PKN2: variants seen among roughly 807,000 people sequenced by gnomAD.
PKN2 encodes serine/threonine-protein kinase N2.
Under a neutral mutation model 119.1 loss-of-function variants are expected in PKN2, and 38 were observed. The ratio of observed to expected loss-of-function variants is 0.32; its 90% CI spans 0.25 to 0.42. The LOEUF is 0.42. PKN2 is among the 10% of genes least tolerant of loss of function. PKN2 has a pLI of 1.00. For synonymous variants in PKN2, 390 were observed against 384.9 expected (o/e 1.01, Z -0.15); for missense variants, 850 against 1,165.1 (o/e 0.73, Z 3.94).
At chr1:88,794,255 T>C (rs1670968385) in intron 8 of PKN2, among the ~76,000 whole-genome samples, 1 of 151,580 alleles carries the variant, frequency 6.6e-6, no homozygotes, top group African/African-American at 2.4e-5. Context: ...TAGTCCCAGC[T>C]ACTTGGGAGG....
chr1:88,771,409 T>TAATTTTTTAA lies in PKN2; in HGVS notation c.623-12_623-11insAATTTTTTAA. ...ATAAATGGTGCAATTAAAATTTTTT[T>TAATTTTTTAA]TTCCTTTCTAGCAAAACCTGTGATA... On this transcript the variant is annotated splice_polypyrimidine_tract_variant and intron_variant, in intron 4 of 21. Coordinates refer to ENST00000370521, the MANE Select transcript of PKN2 (RefSeq NM_006256.4). The TAATTTTTTAA allele has an allele frequency of 6.4e-7, 1 of 1,570,444 alleles. No individual in the cohort carries two copies. Among genetic ancestry groups the TAATTTTTTAA allele is most frequent in the African/African-American group, 1.4e-5 (1 of 72,736 alleles).
chr1:88,800,534 A>G (rs1671261558), intron 8 of PKN2, among the ~76,000 whole-genome samples: 1 of 152,136 alleles, frequency 6.6e-6, no homozygotes, highest in African/African-American at 2.4e-5. Flanking sequence ...AGGAATATGG[A>G]ATATTCTAAT....
chr1:88,741,200 A>G lies in PKN2; in HGVS notation c.261A>G (p.Lys87=), dbSNP rs1457726416. ...KSLAYVDNIL[K]KSNKKLEELH... is the part of the protein sequence containing the mutation. ...TGGCTTATGTAGACAACATTTTGAA[A>G]AAATCAAATAAAAAATTAGAAGAAC... The change falls in exon 2 of 22, where the codon AAA becomes AAG. Residue 87 remains lysine (K), a synonymous_variant. Transcript: ENST00000370521. 6 of 1,602,340 alleles carry G rather than the reference A, an allele frequency of 3.7e-6. No individual in the cohort carries two copies. The highest frequency in any genetic ancestry group is 5.1e-6 in the Non-Finnish European group (6 of 1,176,504).
At chr1:88,701,562 AT>A (rs1393779783) in intron 1 of PKN2, among the ~76,000 whole-genome samples, 1 of 152,182 alleles carries the variant, frequency 6.6e-6, no homozygotes, top group Non-Finnish European at 1.5e-5. Flanking sequence ...TTCTGACTTT[AT>A]TTTGTCTAGC....
At chr1:88,787,439 A>G (rs1670626864) in intron 8 of PKN2, among the ~76,000 whole-genome samples, 1 of 152,192 alleles carries the variant, frequency 6.6e-6, no homozygotes, top group South Asian at 2.1e-4. Context: ...GTAGTTGAGG[A>G]AACCAAGATC....
intron 3 of PKN2, among the ~76,000 whole-genome samples, chr1:88,765,282 CAAA>C (rs60307008): frequency 1.6e-5 from 2 of 128,284 alleles, no homozygotes. Flanking sequence ...GACTTCATCT[CAAA>C]AAAAAAAAAA....
At chr1:88,715,842 A>G (rs1667427126) in intron 1 of PKN2, among the ~76,000 whole-genome samples, 1 of 151,884 alleles carries the variant, frequency 6.6e-6, no homozygotes, top group Admixed American at 6.6e-5. Context: ...CTAGCTTTTG[A>G]ATGTGTTTGC....
chr1:88,787,763 T>C (rs1226766771), intron 8 of PKN2, among the ~76,000 whole-genome samples: 1 of 152,214 alleles, frequency 6.6e-6, no homozygotes, highest in Non-Finnish European at 1.5e-5. Context: ...GGAATAATGC[T>C]CCTTTTAAAA....
intron 1 of PKN2, among the ~76,000 whole-genome samples, chr1:88,719,111 G>GT (rs1210912835): frequency 3.9e-5 from 6 of 152,138 alleles, no homozygotes; most frequent in Admixed American, 1.3e-4. Context: ...ACGAAGACCA[G>GT]TATGAGGACA....
Position 88,760,279 on chromosome 1 carries a change from A to G in PKN2, c.407A>G (p.Asn136Ser), listed in dbSNP as rs976482831. Residue 136 changes from asparagine to serine, a missense_variant, in exon 3 of 22, where the codon AAT becomes AGT. Asn to Ser is a conservative substitution (Grantham distance 46). Transcript: ENST00000370521. Reference sequence around the variant, plus strand: ...GACCCTCGTTGTTCTACTAGCAACAATAGATTGAAGGCCTTACAAAAACAA... The same window carrying G: ...GACCCTCGTTGTTCTACTAGCAACAGTAGATTGAAGGCCTTACAAAAACAA... ...NNDPRCSTSNNRLKALQKQLD... is the reference protein window; with the variant it reads ...NNDPRCSTSNSRLKALQKQLD... 3.8e-6 allele frequency: 6 copies of G among 1,580,384 alleles called. No individual in the cohort carries two copies. The highest frequency in any genetic ancestry group is 5.2e-6 in the Non-Finnish European group (6 of 1,151,140).
chr1:88,792,358 G>C (rs954070474), intron 8 of PKN2, among the ~76,000 whole-genome samples: 16 of 152,274 alleles, frequency 1.1e-4, no homozygotes, highest in African/African-American at 3.8e-4. Context: ...AGCCAAGATC[G>C]TGCCACTGGA....
chr1:88,726,742 C>A (rs532344813), intron 1 of PKN2, among the ~76,000 whole-genome samples: 1 of 142,856 alleles, frequency 7.0e-6, no homozygotes, highest in African/African-American at 2.6e-5. Context: ...TTATGTATTT[C>A]ATATTGGGTG....
At chr1:88,734,511 A>G (rs773757846) in intron 1 of PKN2, among the ~76,000 whole-genome samples, 2 of 152,166 alleles carry the variant, frequency 1.3e-5, no homozygotes, top group African/African-American at 2.4e-5. Context: ...AACTGTAGAT[A>G]GATGATTTAT....
intron 1 of PKN2, among the ~76,000 whole-genome samples, chr1:88,695,372 A>G (rs1382578887): frequency 2.0e-5 from 3 of 152,120 alleles, no homozygotes; most frequent in African/African-American, 7.2e-5. Flanking sequence ...ACTATACCTG[A>G]ACTTATCCTT....
rs759296341 is a variant in PKN2 at position 88,741,019 on chromosome 1, A to T, written c.80A>T (p.Asn27Ile). Residue 27 changes from asparagine to isoleucine, a missense_variant, in exon 2 of 22, where the codon AAT (asparagine) becomes ATT (isoleucine). Asn to Ile is a moderately radical substitution (Grantham distance 149). This residue lies in a region of PKN2 where 73 missense variants were observed against 61.2 expected (regional missense o/e 1.19). Coordinates refer to ENST00000370521, the MANE Select transcript of PKN2 (RefSeq NM_006256.4). ...TCCCGAAGTCTTCCGTTTTCTGAGA[A>T]TGTGAGTGCTGTTCAAAAATTAGAC... ...GDSRSLPFSE[N>I]VSAVQKLDFS... is the part of the protein sequence containing the mutation. The T allele has an allele frequency of 6.3e-7, 1 of 1,576,408 alleles. No individual in the cohort carries two copies. The highest frequency in any genetic ancestry group is 1.2e-5 in the South Asian group (1 of 84,106).
At position 88,834,131 on chromosome 1, in the gene PKN2, A is replaced by T. The variant is rs1672846313; in HGVS notation, c.*683A>T. ...GCTTGCCAAACAATTTTTTTTGTTT[A>T]TTAAACAGTGCTGAAACAAACAGGA... is the stretch of plus-strand genomic sequence containing the variant. On this transcript the variant is annotated 3_prime_UTR_variant, in exon 22 of 22. Coordinates refer to ENST00000370521, the MANE Select transcript of PKN2 (RefSeq NM_006256.4). The T allele has an allele frequency of 6.6e-6, 1 of 151,962 alleles. No individual in the cohort carries two copies. The highest frequency in any genetic ancestry group is 2.4e-5 in the African/African-American group (1 of 41,420). 9.4% of individuals were successfully genotyped at this position (151,962 alleles called of 1,614,324 possible).
At chr1:88,729,846 G>T (rs902450750) in intron 1 of PKN2, among the ~76,000 whole-genome samples, 4 of 150,520 alleles carry the variant, frequency 2.7e-5, no homozygotes, top group African/African-American at 1.0e-4. Context: ...CTTAACACAG[G>T]TCAGACTATA....
chr1:88,739,265 A>G (rs1418294037), intron 1 of PKN2, among the ~76,000 whole-genome samples: 1 of 151,886 alleles, frequency 6.6e-6, no homozygotes, highest in African/African-American at 2.4e-5. Flanking sequence ...TTAGGCCAAG[A>G]GTTTGAGATC....
intron 1 of PKN2, among the ~76,000 whole-genome samples, chr1:88,695,437 TG>T (rs1033649417): frequency 3.3e-5 from 5 of 152,146 alleles, no homozygotes; most frequent in Non-Finnish European, 7.4e-5. Context: ...GTGGTTCTTT[TG>T]TTTTTTTATC....
Sources: gnomAD v4.1 joint callset for allele counts (sites outside exome capture counted in the v4.1 genomes callset) on GRCh38, gnomAD v4.1.1 for gene constraint, gnomAD v4.1.1 regional missense constraint, MANE v1.5 for transcripts, NCBI Gene and HGNC (gene_info 2026-07-23, HGNC 2026-07-21) for gene names.